Variants in SYT16 observed in about 807,000 individuals in gnomAD.
SYT16 encodes synaptotagmin-16.
SYT16 carries 42 observed loss-of-function variants against 61.4 expected under a neutral mutation model. That is an observed-to-expected ratio of 0.68 (90% CI 0.53 to 0.89). SYT16 has a LOEUF of 0.89. Among genes scored for constraint, SYT16 ranks in the 40% least tolerant of loss-of-function variants. The pLI, the probability that SYT16 is intolerant of heterozygous loss-of-function variation, is 0.00. For synonymous variants in SYT16, 314 were observed against 302.3 expected (o/e 1.04, Z -0.40); for missense variants, 804 against 807.3 (o/e 1.00, Z 0.05).
intron 1 of SYT16, among the ~76,000 whole-genome samples, chr14:61,884,154 G>T: frequency 6.6e-6 from 1 of 152,060 alleles, no homozygotes. Context: ...TTGTTTTTCT[G>T]CACCTACCTT....
chr14:61,893,073 T>G (rs1566658289), intron 1 of SYT16, among the ~76,000 whole-genome samples: 1 of 152,002 alleles, frequency 6.6e-6, no homozygotes. Context: ...GCGACACTCA[T>G]GTGGTGTAGA....
chr14:62,020,406 C>T (rs2053865068), intron 3 of SYT16, among the ~76,000 whole-genome samples: 1 of 146,460 alleles, frequency 6.8e-6, no homozygotes, highest in African/African-American at 2.4e-5. Context: ...ACCGCATACA[C>T]CTCTCCCTCT....
At chr14:61,959,442 G>A (rs901493313) in intron 1 of SYT16, among the ~76,000 whole-genome samples, 2 of 151,708 alleles carry the variant, frequency 1.3e-5, no homozygotes, top group Non-Finnish European at 2.9e-5. Flanking sequence ...TTGTTATGGA[G>A]TTTACATTGA....
intron 3 of SYT16, among the ~76,000 whole-genome samples, chr14:61,998,968 G>A (rs1400375730): frequency 6.6e-6 from 1 of 151,816 alleles, no homozygotes; most frequent in Admixed American, 6.6e-5. Flanking sequence ...TTTGAAAGTT[G>A]AGCCAATTTT....
At chr14:61,885,130 G>A (rs1566651531) in intron 1 of SYT16, among the ~76,000 whole-genome samples, 2 of 152,164 alleles carry the variant, frequency 1.3e-5, no homozygotes, top group Non-Finnish European at 2.9e-5. Flanking sequence ...CTAATACTGT[G>A]TAAACAGATA....
chr14:62,005,025 G>A (rs1184222327), intron 3 of SYT16, among the ~76,000 whole-genome samples: 2 of 152,316 alleles, frequency 1.3e-5, no homozygotes, highest in East Asian at 3.9e-4. Context: ...GTGGGTGGGG[G>A]ATACTCACCT....
intron 3 of SYT16, among the ~76,000 whole-genome samples, chr14:62,048,170 T>A (rs1265245884): frequency 6.6e-6 from 1 of 152,258 alleles, no homozygotes; most frequent in East Asian, 1.9e-4. Context: ...TATTGGTCCA[T>A]TCAGGGATTC....
intron 2 of SYT16, among the ~76,000 whole-genome samples, chr14:61,981,119 A>G (rs2052055843): frequency 6.6e-6 from 1 of 152,208 alleles, no homozygotes; most frequent in Non-Finnish European, 1.5e-5. Context: ...TCTGCTGCAC[A>G]ATTCCTTCTT....
intron 1 of SYT16, among the ~76,000 whole-genome samples, chr14:61,831,024 T>A (rs1357477468): frequency 7.9e-5 from 12 of 152,234 alleles, no homozygotes; most frequent in Non-Finnish European, 1.5e-5. Context: ...CTCTTCCACG[T>A]CCTTTGGCTA....
At chr14:61,814,690 T>C (rs1383274979) in intron 1 of SYT16, among the ~76,000 whole-genome samples, 1 of 152,246 alleles carries the variant, frequency 6.6e-6, no homozygotes, top group Non-Finnish European at 1.5e-5. Context: ...TCTTATGTTC[T>C]TTCTTAGCTG....
intron 1 of SYT16, among the ~76,000 whole-genome samples, chr14:61,848,701 T>G (rs1020976630): frequency 6.6e-6 from 1 of 152,214 alleles, no homozygotes; most frequent in Admixed American, 6.5e-5. Context: ...CCAGACATGT[T>G]CTCTGGGAGA....
rs751960865 is a variant in SYT16 at position 62,084,369 on chromosome 14, T to C, written c.1608T>C (p.Ala536=). 2 of 1,612,308 alleles carry C rather than the reference T, an allele frequency of 1.2e-6. No homozygotes were observed. The highest frequency in any genetic ancestry group is 2.2e-5 in the South Asian group (2 of 90,982). The part of the protein sequence containing the change: ...MIKGSHFRNL[A]VNRAPDTYGK... ...AAGGCAGCCATTTCCGAAACCTCGCTGTTAACCGAGCACCTGGTAAGTGTG... is the reference window on the plus strand; with the variant it reads ...AAGGCAGCCATTTCCGAAACCTCGCCGTTAACCGAGCACCTGGTAAGTGTG... The change falls in exon 7 of 8, where the codon GCT becomes GCC. Residue 536 remains alanine (A), a synonymous_variant. Transcript: ENST00000683842.
chr14:61,832,292 AT>A, intron 1 of SYT16: 1 of 591,082 alleles, frequency 1.7e-6, no homozygotes. Flanking sequence ...TCTTCACAAC[AT>A]TTCCGTGTGC....
chr14:62,075,359 G>A lies in SYT16; in HGVS notation c.961G>A (p.Ala321Thr). ...FNSRGFEDSY[A>T]TDSSSMWSPE... The stretch of plus-strand genomic sequence containing the variant: ...TAGCCGGGGATTTGAAGATTCCTAT[G>A]CCACTGACAGCTCCTCCATGTGGAG... Residue 321 changes from alanine to threonine, a missense_variant, in exon 5 of 8, where the codon GCC becomes ACC. Transcript: ENST00000683842. 1 of 1,613,356 alleles carries A rather than the reference G, an allele frequency of 6.2e-7. No individual in the cohort carries two copies. The highest frequency in any genetic ancestry group is 8.5e-7 in the Non-Finnish European group (1 of 1,179,600).
intron 3 of SYT16, among the ~76,000 whole-genome samples, chr14:62,026,872 A>G (rs1360019388): frequency 6.6e-6 from 1 of 152,122 alleles, no homozygotes; most frequent in Non-Finnish European, 1.5e-5. Flanking sequence ...CTTTTAAGAG[A>G]TGAAGTTTTA....
intron 7 of SYT16, among the ~76,000 whole-genome samples, chr14:62,087,992 G>A (rs942650538): frequency 5.9e-5 from 9 of 152,204 alleles, no homozygotes; most frequent in Admixed American, 2.6e-4. Flanking sequence ...TATTGGTGAG[G>A]ATGTGGAGAA....
intron 1 of SYT16, among the ~76,000 whole-genome samples, chr14:61,963,132 C>A (rs1277095818): frequency 6.6e-6 from 1 of 152,082 alleles, no homozygotes; most frequent in Non-Finnish European, 1.5e-5. Context: ...CTTCCTATTC[C>A]TTGAGACACA....
At chr14:61,894,814 G>A (rs754553807) in intron 1 of SYT16, among the ~76,000 whole-genome samples, 5 of 152,136 alleles carry the variant, frequency 3.3e-5, no homozygotes, top group Non-Finnish European at 5.9e-5. Context: ...ACTTAAAATC[G>A]CTTTAATTAT....
chr14:62,023,091 G>A (rs1277436896), intron 3 of SYT16, among the ~76,000 whole-genome samples: 3 of 152,068 alleles, frequency 2.0e-5, no homozygotes, highest in Non-Finnish European at 4.4e-5. Flanking sequence ...AGTAAGCCCA[G>A]TAATTTGTGA....
Sources: gnomAD v4.1 joint callset for allele counts (sites outside exome capture counted in the v4.1 genomes callset) on GRCh38, gnomAD v4.1.1 for gene constraint, MANE v1.5 for transcripts, NCBI Gene and HGNC (gene_info 2026-07-23, HGNC 2026-07-21) for gene names.